Variants in NR5A2 observed in about 807,000 individuals in gnomAD.
The protein encoded by NR5A2 is CYP7A promoter-binding factor.
Under a neutral mutation model 62.7 loss-of-function variants are expected in NR5A2, and 26 were observed. The observed-to-expected ratio is 0.41, with a 90% CI of 0.30 to 0.58. The LOEUF is 0.58. Ranked by LOEUF, NR5A2 falls within the 20% of genes least tolerant of loss-of-function variation. The pLI, the probability that NR5A2 is intolerant of heterozygous loss-of-function variation, is 0.22. For synonymous variants in NR5A2, 246 were observed against 241.7 expected, an observed-to-expected ratio of 1.02 and a Z score of -0.16; for missense variants, 541 against 669.1, an observed-to-expected ratio of 0.81 and a Z score of 2.11.
chr1:200,143,415 A>C (rs1343668301), intron 7 of NR5A2, among the ~76,000 whole-genome samples: 3 of 151,738 alleles, frequency 2.0e-5, no homozygotes, highest in Middle Eastern at 3.4e-3. Flanking sequence ...GTAAATTAGG[A>C]TTAGTTTTGT....
At chr1:200,043,952 A>T in intron 3 of NR5A2, 60 bp downstream of exon 3, 1 of 1,105,164 alleles carries the variant, frequency 9.0e-7, no homozygotes, top group Non-Finnish European at 1.4e-6. Context: ...AAACCAGTGG[A>T]TTACTTCTTT....
intron 7 of NR5A2, among the ~76,000 whole-genome samples, chr1:200,159,000 TC>T (rs1328568669): frequency 6.6e-6 from 1 of 150,432 alleles, no homozygotes; most frequent in East Asian, 2.0e-4. Context: ...GCTTAAGCAA[TC>T]CCCCCGCCTC....
intron 7 of NR5A2, among the ~76,000 whole-genome samples, chr1:200,130,137 A>G (rs1666901643): frequency 6.6e-6 from 1 of 152,190 alleles, no homozygotes; most frequent in Non-Finnish European, 1.5e-5. Context: ...GAGGTGAAAA[A>G]GAGAGCACAA....
intron 5 of NR5A2, among the ~76,000 whole-genome samples, chr1:200,079,955 TG>T (rs1362576758): frequency 6.6e-6 from 1 of 152,240 alleles, no homozygotes; most frequent in Non-Finnish European, 1.5e-5. Flanking sequence ...TTTAGTCATT[TG>T]GGTTTCAAAA....
chr1:200,118,539 C>T (rs1036722030), intron 6 of NR5A2, among the ~76,000 whole-genome samples: 3 of 152,120 alleles, frequency 2.0e-5, no homozygotes, highest in Non-Finnish European at 4.4e-5. Context: ...CAAGGCTCTT[C>T]GTTTGTAAGA....
chr1:200,095,771 G>C (rs377082673), intron 5 of NR5A2, among the ~76,000 whole-genome samples: 55 of 152,110 alleles, frequency 3.6e-4, no homozygotes, highest in South Asian at 3.1e-3. Flanking sequence ...CCAGGATGGT[G>C]TCGATCTCCT....
rs149255442 is a variant in NR5A2 at position 200,045,396 on chromosome 1, C to T, written c.322-47C>T. 3.2e-3 allele frequency: 4,821 copies of T among 1,489,768 alleles called. 45 individuals are homozygous for T. Among genetic ancestry groups the T allele is most frequent in the Middle Eastern group, 0.015 (78 of 5,208 alleles). The allele number at this position is 1,489,768 out of a possible 1,614,324, so 92.3% of individuals were successfully genotyped here. A position where few individuals can be genotyped will look rare whatever the true frequency, so the allele number is the denominator to read the frequency against. ...TCTTAAAATGAAACAATGGAAAAGA[C>T]GGGTGTTAGATTTATAATACGTCTC... On this transcript the variant is annotated intron_variant, in intron 3 of 7. Transcript: ENST00000367362.
intron 5 of NR5A2, among the ~76,000 whole-genome samples, chr1:200,097,131 C>A (rs556709157): frequency 6.6e-6 from 1 of 152,306 alleles, no homozygotes; most frequent in African/African-American, 2.4e-5. Context: ...TAAACGATTT[C>A]TTTCTATAAA....
chr1:200,118,707 G>T (rs959965061), intron 6 of NR5A2, among the ~76,000 whole-genome samples: 3 of 152,220 alleles, frequency 2.0e-5, no homozygotes, highest in African/African-American at 7.2e-5. Flanking sequence ...AGTTTTTAAA[G>T]AATTTATAGC....
Position 200,147,423 on chromosome 1 carries a change from C to T in NR5A2, c.1378+26468C>T, listed in dbSNP as rs1047885648. On this transcript the variant is annotated intron_variant, in intron 7 of 7. Coordinates refer to ENST00000367362, the MANE Select transcript of NR5A2 (RefSeq NM_205860.3). The surrounding 1 kb of genome is among the most constrained non-coding windows in gnomAD (Gnocchi z 4.9). ...ATGGGTCTGGGCGAGATGCAGGCAG[C>T]TTATCTGTTTATGGGGCTGCCTCCT... 4.2e-6 allele frequency: 2 copies of T among 477,252 alleles called. No individual in the cohort carries two copies. The highest frequency in any genetic ancestry group is 8.1e-6 in the Non-Finnish European group (2 of 247,218). The allele number at this position is 477,252 out of a possible 1,614,324, so 29.6% of individuals were successfully genotyped here. A position where few individuals can be genotyped will look rare whatever the true frequency, so the allele number is the denominator to read the frequency against.
At chr1:200,053,245 T>C (rs1011332677) in intron 5 of NR5A2, among the ~76,000 whole-genome samples, 19 of 152,138 alleles carry the variant, frequency 1.2e-4, no homozygotes, top group Non-Finnish European at 2.6e-4. Flanking sequence ...TTTAACACAC[T>C]TGTAAAGGAC....
intron 3 of NR5A2, 83 bp from the exon 4 acceptor site, chr1:200,045,360 A>T: frequency 7.9e-7 from 1 of 1,259,682 alleles, no homozygotes; most frequent in Non-Finnish European, 1.1e-6. Context: ...GAGAGGATTT[A>T]CTGGTGATTT....
intron 7 of NR5A2, among the ~76,000 whole-genome samples, chr1:200,152,401 C>A (rs78325013): frequency 0.011 from 1,618 of 152,224 alleles, 32 homozygotes; most frequent in African/African-American, 0.036. Flanking sequence ...GTCCAAACTC[C>A]AGTTATTTTT....
rs774294964 is a variant in NR5A2 at position 200,120,965 on chromosome 1, C to A, written c.1378+10C>A. ...GTGCTCTTTAGTTTAGGTAAGAAAT[C>A]CTTTTCTCATGCTGTGCTCAACCAA... is the stretch of plus-strand genomic sequence containing the variant. On this transcript the variant is annotated intron_variant, in intron 7 of 7. Transcript: ENST00000367362. 1.9e-6 allele frequency: 3 copies of A among 1,613,522 alleles called. No individual in the cohort carries two copies. The highest frequency in any genetic ancestry group is 1.7e-6 in the Non-Finnish European group (2 of 1,179,688).
intron 1 of NR5A2, among the ~76,000 whole-genome samples, chr1:200,036,147 C>G (rs563627528): frequency 6.6e-6 from 1 of 152,308 alleles, no homozygotes; most frequent in South Asian, 2.1e-4. Context: ...GCGTTTAGAC[C>G]ACACAGACCC....
intron 7 of NR5A2, among the ~76,000 whole-genome samples, chr1:200,167,709 G>A (rs1653969925): frequency 6.6e-6 from 1 of 152,080 alleles, no homozygotes; most frequent in South Asian, 2.1e-4. Flanking sequence ...TCTTCATCTT[G>A]CCCACCTATT....
intron 7 of NR5A2, among the ~76,000 whole-genome samples, chr1:200,161,187 T>C (rs1239485885): frequency 1.3e-5 from 2 of 152,142 alleles, no homozygotes; most frequent in Non-Finnish European, 2.9e-5. Flanking sequence ...TATTTGGCCT[T>C]ATTGTTAAAT....
chr1:200,060,527 A>G lies in NR5A2; in HGVS notation c.1110+11709A>G, dbSNP rs1663153380. On this transcript the variant is annotated intron_variant, in intron 5 of 7. Transcript: ENST00000367362. Reference sequence around the variant, plus strand: ...GGTTACTGAGGCTGCAGGCTTAGCAAGGTGAGTATGCATGGATCCCACGAA... The same window carrying G: ...GGTTACTGAGGCTGCAGGCTTAGCAGGGTGAGTATGCATGGATCCCACGAA... Among the ~76,000 whole-genome samples the G allele has an allele frequency of 2.0e-5, 3 of 152,314 alleles. No homozygotes were observed. The South Asian group carries it at 6.2e-4, about 32-fold the overall frequency.
At chr1:200,069,358 T>TCAAGCAATTCTCCTGCCTC (rs1375674258) in intron 5 of NR5A2, among the ~76,000 whole-genome samples, 1 of 152,118 alleles carries the variant, frequency 6.6e-6, no homozygotes, top group Non-Finnish European at 1.5e-5. Flanking sequence ...CCTCCTGAGT[T>TCAAGCAATTCTCCTGCCTC]CAAGCAATTC....
Sources: gnomAD v4.1 joint callset for allele counts (sites outside exome capture counted in the v4.1 genomes callset) on GRCh38, gnomAD v4.1.1 for gene constraint, Gnocchi (gnomAD v3.1) non-coding constraint, MANE v1.5 for transcripts, NCBI Gene and HGNC (gene_info 2026-07-23, HGNC 2026-07-21) for gene names.